PRKCH: variants seen among roughly 807,000 people sequenced by gnomAD.
The protein encoded by PRKCH is protein kinase C eta type.
A neutral mutation model predicts 82.5 loss-of-function variants in PRKCH; 28 were observed. That is an observed-to-expected ratio of 0.34 (90% CI 0.25 to 0.47). The LOEUF is 0.47. Among genes scored for constraint, PRKCH ranks in the 20% least tolerant of loss-of-function variants. PRKCH has a pLI of 1.00. For synonymous variants in PRKCH, 322 were observed against 327.4 expected (o/e 0.98, Z 0.18); for missense variants, 705 against 881.8 (o/e 0.80, Z 2.54).
chr14:61,360,362 G>A (rs1194438891), intron 1 of PRKCH, among the ~76,000 whole-genome samples: 3 of 152,000 alleles, frequency 2.0e-5, no homozygotes, highest in Non-Finnish European at 4.4e-5. Context: ...AAAATTAGAC[G>A]GGCATGGTGG....
chr14:61,539,047 G>A (rs1566934975), intron 12 of PRKCH, among the ~76,000 whole-genome samples: 2 of 152,308 alleles, frequency 1.3e-5, no homozygotes, highest in Middle Eastern at 3.4e-3. Flanking sequence ...GAAGTCATTG[G>A]AGAGCATTGA....
chr14:61,532,272 G>A (rs2043051847), intron 12 of PRKCH, among the ~76,000 whole-genome samples: 2 of 152,212 alleles, frequency 1.3e-5, no homozygotes, highest in Admixed American at 1.3e-4. Flanking sequence ...CCTGTTATCA[G>A]CATTGGTGTA....
chr14:61,227,013 G>T (rs907897731), intron 1 of PRKCH, among the ~76,000 whole-genome samples: 2 of 152,170 alleles, frequency 1.3e-5, no homozygotes, highest in African/African-American at 4.8e-5. Context: ...TTGGTCCATT[G>T]TCGCCATTAA....
At chr14:61,257,409 G>A (rs973371113) in intron 1 of PRKCH, among the ~76,000 whole-genome samples, 20 of 152,048 alleles carry the variant, frequency 1.3e-4, no homozygotes, top group Non-Finnish European at 2.5e-4. Context: ...AGTGGGCATG[G>A]CATATAAATT....
At chr14:61,282,459 G>A (rs982175473) in intron 1 of PRKCH, among the ~76,000 whole-genome samples, 4 of 151,890 alleles carry the variant, frequency 2.6e-5, no homozygotes, top group Admixed American at 2.6e-4. Flanking sequence ...ATTATATTCA[G>A]GAGTCATTCA....
intron 10 of PRKCH, among the ~76,000 whole-genome samples, chr14:61,521,092 T>G (rs1357115616): frequency 1.3e-5 from 2 of 152,192 alleles, no homozygotes; most frequent in African/African-American, 4.8e-5. Flanking sequence ...TCCAAGACAA[T>G]TGTTGAGAAA....
chr14:61,396,249 TA>T (rs546158856), intron 2 of PRKCH, among the ~76,000 whole-genome samples: 93 of 152,002 alleles, frequency 6.1e-4, no homozygotes, highest in Non-Finnish European at 1.1e-3. Context: ...AGCACTCCTT[TA>T]AAAAAAATTA....
intron 1 of PRKCH, chr14:61,278,814 A>G (rs538780460): frequency 3.3e-5 from 5 of 152,332 alleles, no homozygotes; most frequent in African/African-American, 1.2e-4. Context: ...TTCATCTCAA[A>G]GGTTCAAATA....
chr14:61,414,747 G>A (rs1267833216), intron 2 of PRKCH, among the ~76,000 whole-genome samples: 2 of 150,436 alleles, frequency 1.3e-5, no homozygotes, highest in African/African-American at 2.4e-5. Context: ...CCAAAGTGCT[G>A]GGATTACAGG....
intron 1 of PRKCH, chr14:61,304,992 G>A (rs2045476256): frequency 6.6e-6 from 1 of 151,550 alleles, no homozygotes; most frequent in African/African-American, 2.4e-5. Context: ...TATATTTTTG[G>A]TTTTTAACCT....
intron 6 of PRKCH, 102 bp from the exon 7 acceptor site, chr14:61,453,124 A>T: frequency 1.4e-6 from 2 of 1,424,122 alleles, no homozygotes; most frequent in Non-Finnish European, 2.0e-6. Flanking sequence ...AGCCGGTATA[A>T]TTCCTCTGTT....
At chr14:61,241,796 G>A (rs1192998074) in intron 1 of PRKCH, among the ~76,000 whole-genome samples, 3 of 152,182 alleles carry the variant, frequency 2.0e-5, no homozygotes, top group African/African-American at 4.8e-5. Flanking sequence ...ATCTCCTCAT[G>A]TATAAAATGG....
intron 10 of PRKCH, among the ~76,000 whole-genome samples, chr14:61,505,603 G>C (rs1448469772): frequency 6.6e-6 from 1 of 151,496 alleles, no homozygotes. Flanking sequence ...TCGAACTCCC[G>C]ACCTCAGGTG....
chr14:61,471,969 A>G (rs1412510561), intron 9 of PRKCH, among the ~76,000 whole-genome samples: 4 of 152,208 alleles, frequency 2.6e-5, no homozygotes, highest in African/African-American at 9.6e-5. Flanking sequence ...TTATGAAAAT[A>G]TAAGCGTTAT....
chr14:61,269,366 T>C (rs1413001803), intron 1 of PRKCH, among the ~76,000 whole-genome samples: 1 of 151,640 alleles, frequency 6.6e-6, no homozygotes, highest in Non-Finnish European at 1.5e-5. Flanking sequence ...ATTAATTAAT[T>C]TTTATTTAAG....
intron 1 of PRKCH, among the ~76,000 whole-genome samples, chr14:61,275,998 T>C (rs1336218747): frequency 1.3e-5 from 2 of 152,178 alleles, no homozygotes; most frequent in Non-Finnish European, 2.9e-5. Context: ...TGTCAGTGTA[T>C]TCAGTGTATT....
At chr14:61,515,891 A>G (rs1484165900) in intron 10 of PRKCH, among the ~76,000 whole-genome samples, 3 of 151,658 alleles carry the variant, frequency 2.0e-5, no homozygotes, top group Admixed American at 6.6e-5. Context: ...GCTCTACAGC[A>G]CTTAATGCAT....
At chr14:61,445,632 G>A (rs368829139) in intron 3 of PRKCH, 60 bp from the exon 4 acceptor site, 4 of 1,450,572 alleles carry the variant, frequency 2.8e-6, no homozygotes, top group Non-Finnish European at 3.9e-6. Flanking sequence ...TTTCCTTAAG[G>A]ACTATAAGAG....
At chr14:61,220,345 A>C (rs1012490537) in intron 1 of PRKCH, among the ~76,000 whole-genome samples, 2 of 152,236 alleles carry the variant, frequency 1.3e-5, no homozygotes, top group African/African-American at 4.8e-5. Context: ...AAATGGGAGG[A>C]AAAAACAACA....
Sources: gnomAD v4.1 joint callset for allele counts (sites outside exome capture counted in the v4.1 genomes callset) on GRCh38, gnomAD v4.1.1 for gene constraint, MANE v1.5 for transcripts, NCBI Gene and HGNC (gene_info 2026-07-23, HGNC 2026-07-21) for gene names.